The following GTPBP6 variants were observed in gnomAD, a reference collection of about 807,000 sequenced individuals.
GTPBP6 encodes putative GTP-binding protein 6.
A neutral mutation model predicts 28.9 loss-of-function variants in GTPBP6; 33 were observed. The observed-to-expected ratio is 1.14, with a 90% confidence interval of 0.87 to 1.53. GTPBP6 has a LOEUF of 1.53. GTPBP6 is among the 40% of genes most tolerant of loss of function. The pLI, the probability that GTPBP6 is intolerant of heterozygous loss-of-function variation, is 0.00. For synonymous variants in GTPBP6, 231 were observed against 192.7 expected (o/e 1.20, Z -1.65); for missense variants, 507 against 408.3 (o/e 1.24, Z -2.08).
chrX:318,343 C>T (rs2070478709), intron 1 of GTPBP6, 96 bp downstream of exon 1: 5 of 396,600 alleles, frequency 1.3e-5, no homozygotes, highest in South Asian at 1.3e-4. Flanking sequence ...TTCAGAGCCC[C>T]GCCCCTGAAT....
At chrX:312,036 G>C (rs942396641) in intron 6 of GTPBP6, 2 of 467,174 alleles carry the variant, frequency 4.3e-6, no homozygotes, top group African/African-American at 3.9e-5. Flanking sequence ...AGATACGGCA[G>C]TGGTGCCGGT....
intron 7 of GTPBP6, among the ~76,000 whole-genome samples, chrX:308,876 C>CA (rs2070228083): frequency 6.6e-6 from 1 of 151,712 alleles, no homozygotes; most frequent in East Asian, 1.9e-4. Flanking sequence ...GCTGGGACTA[C>CA]AGGCACCCGC....
intron 7 of GTPBP6, among the ~76,000 whole-genome samples, chrX:308,854 C>T: frequency 6.6e-6 from 1 of 150,636 alleles, no homozygotes; most frequent in African/African-American, 2.5e-5. Flanking sequence ...CTGCCTCAGC[C>T]TCTCTTGAGT....
chrX:317,766 C>A (rs1409067664), intron 1 of GTPBP6, among the ~76,000 whole-genome samples: 2 of 143,416 alleles, frequency 1.4e-5, no homozygotes, highest in African/African-American at 5.2e-5. Flanking sequence ...CCCACGGACT[C>A]CACCCCATAA....
chrX:315,282 G>C (rs1281205481), exon 3 of GTPBP6: 3 of 398,406 alleles, frequency 7.5e-6, no homozygotes, highest in Admixed American at 4.4e-5. Flanking sequence ...GTGATGTCTG[G>C]AGACCCTCGG....
rs746509362 is a variant in GTPBP6 at position 314,183 on chromosome X, G to C, written c.724C>G (p.Arg242Gly). The change falls in exon 5 of 10, where the codon CGA becomes GGA. Residue 242 changes from arginine to glycine, a missense_variant. Physicochemically the swap from Arg to Gly is moderately radical, Grantham distance 125. Transcript: ENST00000326153. Reference sequence around the variant, plus strand: ...ATGATGTAGCGCGAGCCGACTCCTCGGTACAGGTGGGCGACGTCCCTTTTC... The same window carrying C: ...ATGATGTAGCGCGAGCCGACTCCTCCGTACAGGTGGGCGACGTCCCTTTTC... The C allele has an allele frequency of 7.4e-6, 12 of 1,613,260 alleles. No individual in the cohort carries two copies. In the African/African-American group the frequency reaches 1.3e-4, roughly 18 times the overall value.
At position 314,223 on chromosome X, in the gene GTPBP6, G is replaced by A. The variant is rs1346224209; in HGVS notation, c.690-6C>T. On this transcript the variant is annotated splice_polypyrimidine_tract_variant and splice_region_variant and intron_variant, in intron 4 of 9. Transcript: ENST00000326153. ...CGTCCCTTTTCAAGTTCGACCTGGTGTGGGAACGGGAGTGGCTCGGTCTCT... is the reference window on the plus strand; with the variant it reads ...CGTCCCTTTTCAAGTTCGACCTGGTATGGGAACGGGAGTGGCTCGGTCTCT... The A allele has an allele frequency of 1.9e-6, 3 of 1,612,404 alleles. No individual in the cohort carries two copies. Among genetic ancestry groups the A allele is most frequent in the African/African-American group, 1.3e-5 (1 of 75,026 alleles).
chrX:316,177 C>G (rs1317955154), intron 2 of GTPBP6, among the ~76,000 whole-genome samples: 9 of 11,732 alleles, frequency 7.7e-4, no homozygotes, highest in South Asian at 3.1e-3. Context: ...GACAGACACA[C>G]ACACAGACAC....
At position 315,272 on chromosome X, in the gene GTPBP6, G is replaced by GT; in HGVS notation, c.514dup (p.Thr172AsnfsTer28). On this transcript the variant is annotated frameshift_variant, in exon 3 of 10. Transcript: ENST00000326153. LOFTEE classifies it high-confidence loss of function. The stretch of plus-strand genomic sequence containing the variant: ...CCTCTCCACGTTCAGGAAGACGCAC[G>GT]TGATGTCTGGAGACCCTCGGATCTT... 1 of 398,556 alleles carries GT rather than the reference G, an allele frequency of 2.5e-6. No individual in the cohort carries two copies. Among genetic ancestry groups the GT allele is most frequent in the Non-Finnish European group, 4.4e-6 (1 of 226,050 alleles). 24.7% of individuals were successfully genotyped at this position (398,556 alleles called of 1,614,324 possible). A position where few individuals can be genotyped will look rare whatever the true frequency, so the allele number is the denominator to read the frequency against.
At position 307,579 on chromosome X, in the gene GTPBP6, A is replaced by G. The variant is rs1370243034; in HGVS notation, c.1275-67T>C. The stretch of plus-strand genomic sequence containing the variant: ...GCGGCCGGACGAAATCAGGGTCCCC[A>G]GGAGTCCACTGCCCACGGGGCACAG... On this transcript the variant is annotated intron_variant, in intron 8 of 9. Transcript: ENST00000326153. 6.5e-6 allele frequency: 10 copies of G among 1,545,648 alleles called. No homozygotes were observed. In the South Asian group the frequency reaches 1.2e-4, roughly 18 times the overall value.
chrX:317,377 G>A (rs2070457115), intron 1 of GTPBP6, among the ~76,000 whole-genome samples: 7 of 152,078 alleles, frequency 4.6e-5, no homozygotes, highest in Non-Finnish European at 1.5e-5. Context: ...GGAGTAGAGA[G>A]GCAAGAGGTC....
chrX:312,920 T>G, exon 6 of GTPBP6: 1 of 1,611,698 alleles, frequency 6.2e-7, no homozygotes, highest in Non-Finnish European at 8.5e-7. Context: ...GCATGAAGGA[T>G]TCTCCTAAAA....
chrX:314,046 G>A, intron 5 of GTPBP6, 104 bp downstream of exon 5: 2 of 906,506 alleles, frequency 2.2e-6, no homozygotes, highest in Non-Finnish European at 3.6e-6. Flanking sequence ...GGAGACCCCA[G>A]CTGGACCCCA....
chrX:307,787 C>A lies in GTPBP6; in HGVS notation c.1219G>T (p.Ala407Ser), dbSNP rs375570925. 6 of 1,540,694 alleles carry A rather than the reference C, an allele frequency of 3.9e-6. No individual in the cohort carries two copies. In the South Asian group the frequency reaches 6.1e-5, roughly 16 times the overall value. Residue 407 changes from alanine (A) to serine (S), a missense_variant, in exon 8 of 10, where the codon GCC (alanine) becomes TCC (serine). Coordinates refer to ENST00000326153, the Ensembl canonical transcript of GTPBP6. ...TCCACCATGGAGTCCAGGAGCGGGG[C>A]GGGCAGCTGCAGGCCACGCAGCGTG...
chrX:315,496 C>T (rs1427038446), intron 2 of GTPBP6, among the ~76,000 whole-genome samples, 197 bp from the exon 3 acceptor site: 1 of 143,404 alleles, frequency 7.0e-6, no homozygotes, highest in East Asian at 2.0e-4. Flanking sequence ...GTCTCAAAGA[C>T]ATAGACATGC....
At chrX:314,854 C>T (rs1465946990) in intron 4 of GTPBP6, 36 bp downstream of exon 4, 10 of 399,526 alleles carry the variant, frequency 2.5e-5, no homozygotes, top group East Asian at 1.1e-4. Context: ...CGGGAGTGGA[C>T]GTGACGCTCG....
exon 7 of GTPBP6, chrX:311,451 A>G (rs1183630480): frequency 3.4e-6 from 5 of 1,484,666 alleles, no homozygotes; most frequent in Non-Finnish European, 4.5e-6. Context: ...GTGGCGGAGA[A>G]GGACTCGATG....
chrX:312,962 C>T, intron 5 of GTPBP6, 38 bp from the exon 6 acceptor site: 1 of 1,582,040 alleles, frequency 6.3e-7, no homozygotes, highest in Middle Eastern at 2.2e-4. Context: ...GTGAGCCACG[C>T]CGGGAAAGGC....
At chrX:317,884 C>G (rs1350634680) in intron 1 of GTPBP6, among the ~76,000 whole-genome samples, 1 of 147,530 alleles carries the variant, frequency 6.8e-6, no homozygotes, top group African/African-American at 2.5e-5. Context: ...CCCTTTCACC[C>G]ATGGGCTCCT....
Sources: allele counts gnomAD v4.1 joint callset (sites outside exome capture counted in the v4.1 genomes callset), GRCh38; gene constraint gnomAD v4.1.1; transcripts MANE v1.5; gene names NCBI Gene and HGNC (gene_info 2026-07-23, HGNC 2026-07-21).